The following ADAM28 variants were observed in gnomAD, a reference collection of about 807,000 sequenced individuals.
The protein encoded by ADAM28 is disintegrin and metalloproteinase domain-containing protein 28.
A neutral mutation model predicts 101.2 loss-of-function variants in ADAM28; 105 were observed. The ratio of observed to expected loss-of-function variants is 1.04; its 90% CI spans 0.89 to 1.22. ADAM28 has a LOEUF of 1.22. Ranked by LOEUF, ADAM28 falls within the 50% of genes most tolerant of loss-of-function variation. ADAM28 has a pLI of 0.00. For synonymous variants in ADAM28, 322 were observed against 310.6 expected, an observed-to-expected ratio of 1.04 and a Z score of -0.39; for missense variants, 1,028 against 945.4, an observed-to-expected ratio of 1.09 and a Z score of -1.15.
chr8:24,351,660 T>C (rs1299209804), intron 20 of ADAM28: 1 of 463,660 alleles, frequency 2.2e-6, no homozygotes, highest in Non-Finnish European at 3.9e-6. Flanking sequence ...AAAATATGTA[T>C]GTCTGTATGA....
chr8:24,343,338 G>T (rs1338863899), intron 17 of ADAM28, among the ~76,000 whole-genome samples, 157 bp downstream of exon 17: 1 of 152,144 alleles, frequency 6.6e-6, no homozygotes, highest in Non-Finnish European at 1.5e-5. Flanking sequence ...AATTTCTTCT[G>T]GGAATCATTC....
At chr8:24,352,534 G>C (rs1292267100) in intron 21 of ADAM28, among the ~76,000 whole-genome samples, 1 of 152,100 alleles carries the variant, frequency 6.6e-6, no homozygotes, top group Non-Finnish European at 1.5e-5. Flanking sequence ...TATCATGAGA[G>C]CTGCACCCTC....
intron 6 of ADAM28, among the ~76,000 whole-genome samples, chr8:24,314,141 C>T (rs1040499751): frequency 1.3e-5 from 2 of 152,176 alleles, no homozygotes; most frequent in South Asian, 4.1e-4. Flanking sequence ...GAATCTGTCA[C>T]ACTATTCCCT....
intron 1 of ADAM28, among the ~76,000 whole-genome samples, chr8:24,297,226 C>T (rs764646743): frequency 2.7e-5 from 4 of 150,166 alleles, no homozygotes; most frequent in Admixed American, 6.6e-5. Context: ...TGGAAGTGTT[C>T]GGCCACCAAA....
rs888995137 is a variant in ADAM28, at chr8:24,355,216, T to G, written c.*812T>G. 6.6e-6 allele frequency: 1 copy of G among 152,398 alleles called. No individual in the cohort carries two copies. Among genetic ancestry groups the G allele is most frequent in the African/African-American group, 2.4e-5 (1 of 41,430 alleles). 9.4% of individuals were successfully genotyped at this position (152,398 alleles called of 1,614,324 possible). Reference sequence around the variant, plus strand: ...AATAGATTCCCAGCTTTGTCAGATGTAATCTAAAAGTAATCCGATGCTTTG... The same window carrying G: ...AATAGATTCCCAGCTTTGTCAGATGGAATCTAAAAGTAATCCGATGCTTTG... On this transcript the variant is annotated 3_prime_UTR_variant, in exon 23 of 23. Coordinates refer to ENST00000265769, the MANE Select transcript of ADAM28 (RefSeq NM_014265.6).
intron 8 of ADAM28, among the ~76,000 whole-genome samples, chr8:24,322,007 CTAAAGA>C (rs1237216460): frequency 6.6e-6 from 1 of 151,826 alleles, no homozygotes; most frequent in Non-Finnish European, 1.5e-5. Flanking sequence ...TATAAATGCT[CTAAAGA>C]TAATTTTTTG....
In ADAM28 at chr8:24,350,832, T is replaced by G. The variant is rs929917233; in HGVS notation, c.2100-400T>G. ...GCAGAGTAAGTGGTGGAGGCTGGGT[T>G]TGTCTCACGAACGTGATTCTGGCAC... is the stretch of plus-strand genomic sequence containing the variant. On this transcript the variant is annotated intron_variant, in intron 19 of 22. Transcript: ENST00000265769. 2.7e-5 allele frequency among the ~76,000 whole-genome samples: 4 copies of G among 150,824 alleles called. No individual in the cohort carries two copies. In the East Asian group the frequency reaches 5.9e-4, roughly 22 times the overall value.
intron 11 of ADAM28, 37 bp downstream of exon 11, chr8:24,330,152 C>G (rs1452409467): frequency 6.3e-7 from 1 of 1,597,102 alleles, no homozygotes; most frequent in Non-Finnish European, 8.6e-7. Flanking sequence ...TGCTATGTAG[C>G]CCTGGTTTTG....
At chr8:24,335,911 C>T in intron 14 of ADAM28, 4 of 1,135,458 alleles carry the variant, frequency 3.5e-6, no homozygotes, top group Non-Finnish European at 3.3e-6. Context: ...ATATCCCATG[C>T]AATATTTGAG....
chr8:24,317,251 A>T (rs1327434442), intron 6 of ADAM28, among the ~76,000 whole-genome samples: 1 of 151,518 alleles, frequency 6.6e-6, no homozygotes, highest in Middle Eastern at 3.4e-3. Flanking sequence ...GAATTCTGAG[A>T]AAAAAAAAGA....
intron 19 of ADAM28, 85 bp from the exon 20 acceptor site, chr8:24,351,147 A>C: frequency 8.7e-7 from 1 of 1,150,212 alleles, no homozygotes; most frequent in Non-Finnish European, 1.2e-6. Flanking sequence ...AATGGGAAAA[A>C]GAAGTTGGGA....
chr8:24,336,955 G>A (rs998305728), intron 14 of ADAM28, among the ~76,000 whole-genome samples: 5 of 152,106 alleles, frequency 3.3e-5, no homozygotes, highest in African/African-American at 7.2e-5. Flanking sequence ...TATTTGAAAG[G>A]GGTCATTGCG....
intron 18 of ADAM28, among the ~76,000 whole-genome samples, chr8:24,349,061 G>A (rs559776237): frequency 6.6e-6 from 1 of 152,262 alleles, no homozygotes; most frequent in Admixed American, 6.5e-5. Flanking sequence ...TGCTTCTGAT[G>A]TGTCTACCTC....
In ADAM28 at chr8:24,358,137, G is replaced by A. The variant is rs188631569; in HGVS notation, c.*3733G>A. On this transcript the variant is annotated 3_prime_UTR_variant, in exon 23 of 23. Coordinates refer to ENST00000265769, the MANE Select transcript of ADAM28 (RefSeq NM_014265.6). ...TATTTTAAAAATTAAAGCAAAATGT[G>A]TATAAACTTTATTACTGCTTCCCAC... is the stretch of plus-strand genomic sequence containing the variant. 1 of 152,198 alleles carries A rather than the reference G, an allele frequency of 6.6e-6. No homozygotes were observed. Among genetic ancestry groups the A allele is most frequent in the African/African-American group, 2.4e-5 (1 of 41,534 alleles). The allele number at this position is 152,198 out of a possible 1,614,324, so 9.4% of individuals were successfully genotyped here.
rs1275625314 is a variant in ADAM28, at chr8:24,355,780, T to C, written c.*1376T>C. ...CACTTTCTTGGTACTCCTTATTATATGAGCCATACATTTTCCTTGTTGTTT... is the reference window on the plus strand; with the variant it reads ...CACTTTCTTGGTACTCCTTATTATACGAGCCATACATTTTCCTTGTTGTTT... On this transcript the variant is annotated 3_prime_UTR_variant, in exon 23 of 23. Transcript: ENST00000265769. 6.6e-6 allele frequency: 1 copy of C among 152,178 alleles called. No homozygotes were observed. Among genetic ancestry groups the C allele is most frequent in the Non-Finnish European group, 1.5e-5 (1 of 68,022 alleles). 9.4% of individuals were successfully genotyped at this position (152,178 alleles called of 1,614,324 possible).
At chr8:24,312,667 C>A (rs1005991754) in intron 5 of ADAM28, among the ~76,000 whole-genome samples, 5 of 151,584 alleles carry the variant, frequency 3.3e-5, no homozygotes, top group Admixed American at 6.6e-5. Context: ...TATATATATT[C>A]TGTGATTATT....
chr8:24,343,728 C>A, intron 18 of ADAM28, 144 bp downstream of exon 18: 1 of 707,992 alleles, frequency 1.4e-6, no homozygotes, highest in African/African-American at 1.8e-5. Flanking sequence ...ATTTATCCCC[C>A]AAATCTCCTT....
rs1813187294 is a variant in ADAM28 at position 24,330,183 on chromosome 8, C to T, written c.1103+68C>T. 8 of 1,499,384 alleles carry T rather than the reference C, an allele frequency of 5.3e-6. No homozygotes were observed. The Admixed American group carries it at 1.8e-4, about 33-fold the overall frequency. 92.9% of individuals were successfully genotyped at this position (1,499,384 alleles called of 1,614,324 possible). ...TTTTGATCCACTGTGGGCTGTACTA[C>T]TTTAGGTCATCTTCAACAACGTGTT... On this transcript the variant is annotated intron_variant, in intron 11 of 22. Coordinates refer to ENST00000265769, the MANE Select transcript of ADAM28 (RefSeq NM_014265.6).
In ADAM28 at chr8:24,301,104, A is replaced by G. The variant is rs183267515; in HGVS notation, c.150+1027A>G. Among the ~76,000 whole-genome samples the G allele has an allele frequency of 2.3e-3, 356 of 152,358 alleles. 1 individual carries two copies. Among genetic ancestry groups the G allele is most frequent in the African/African-American group, 7.9e-3 (327 of 41,598 alleles). Reference sequence around the variant, plus strand: ...TACAGATAAATGAGACACAAATAATAGTTTACAGAAATACTCTGAAATCCA... The same window carrying G: ...TACAGATAAATGAGACACAAATAATGGTTTACAGAAATACTCTGAAATCCA... On this transcript the variant is annotated intron_variant, in intron 2 of 22. Transcript: ENST00000265769.
Sources: gnomAD v4.1 joint callset for allele counts (sites outside exome capture counted in the v4.1 genomes callset) on GRCh38, gnomAD v4.1.1 for gene constraint, MANE v1.5 for transcripts, NCBI Gene and HGNC (gene_info 2026-07-23, HGNC 2026-07-21) for gene names.